Variants in MTAP observed in about 807,000 individuals in gnomAD.
The protein encoded by MTAP is S-methyl-5'-thioadenosine phosphorylase.
In MTAP, 33 loss-of-function variants were observed where a neutral mutation model predicts 33.6. The observed-to-expected ratio is 0.98, with a 90% confidence interval of 0.74 to 1.31. MTAP has a LOEUF of 1.31. Among genes scored for constraint, MTAP ranks in the 40% most tolerant of loss-of-function variants. The pLI, the probability that MTAP is intolerant of heterozygous loss-of-function variation, is 0.00. For synonymous variants in MTAP, 148 were observed against 125.7 expected (o/e 1.18, Z -1.19); for missense variants, 367 against 360.0 (o/e 1.02, Z -0.16).
At chr9:21,927,076 C>G (rs1383699678) in intron 1 of MTAP, among the ~76,000 whole-genome samples, 5 of 152,188 alleles carry the variant, frequency 3.3e-5, no homozygotes, top group Non-Finnish European at 1.5e-5. Flanking sequence ...CAGAAGCAAG[C>G]CTTTAGAGAA....
intron 1 of MTAP, among the ~76,000 whole-genome samples, chr9:21,874,244 A>G (rs1825974309): frequency 6.6e-6 from 1 of 152,166 alleles, no homozygotes; most frequent in Non-Finnish European, 1.5e-5. Context: ...CTATAATCCC[A>G]CTGACTGTTC....
intron 1 of MTAP, among the ~76,000 whole-genome samples, chr9:21,878,480 A>G (rs1826042514): frequency 6.6e-6 from 1 of 151,666 alleles, no homozygotes; most frequent in South Asian, 2.1e-4. Flanking sequence ...AACTTTTAAA[A>G]TTTTTATTCT....
chr9:21,851,116 A>G (rs912047438), intron 5 of MTAP, among the ~76,000 whole-genome samples: 2 of 152,328 alleles, frequency 1.3e-5, no homozygotes, highest in African/African-American at 2.4e-5. Flanking sequence ...TCATTGGGAA[A>G]CTACAACAGC....
chr9:21,832,479 A>G (rs1014288707), intron 4 of MTAP, among the ~76,000 whole-genome samples: 1 of 152,180 alleles, frequency 6.6e-6, no homozygotes, highest in African/African-American at 2.4e-5. Flanking sequence ...CTTCTTACTC[A>G]TTTCCCTCAC....
intron 5 of MTAP, among the ~76,000 whole-genome samples, chr9:21,844,113 A>C (rs755437989): frequency 6.6e-6 from 1 of 152,218 alleles, no homozygotes; most frequent in Non-Finnish European, 1.5e-5. Flanking sequence ...TTATGCACAC[A>C]AACTAGAAAA....
chr9:21,887,875 T>G (rs12236836), intron 1 of MTAP, among the ~76,000 whole-genome samples: 37,953 of 151,812 alleles, frequency 0.25, 4,987 homozygotes, highest in East Asian at 0.41. Flanking sequence ...AAGTTTTGTG[T>G]GGGGGGGTTG....
At chr9:21,939,813 G>A (rs1310845115), downstream of MTAP, among the ~76,000 whole-genome samples, 1 of 152,086 alleles carries the variant, frequency 6.6e-6, no homozygotes, top group Non-Finnish European at 1.5e-5. Flanking sequence ...AACCTGGGAG[G>A]TGGAGGCTGA....
chr9:21,829,591 T>C (rs1176512728), intron 4 of MTAP, among the ~76,000 whole-genome samples: 2 of 151,926 alleles, frequency 1.3e-5, no homozygotes, highest in Non-Finnish European at 2.9e-5. Flanking sequence ...ACCACACACA[T>C]TGGCCTATTG....
rs1364010352 is a variant in MTAP, at chr9:21,802,754, C to T, written c.6C>T (p.Ala2=). 6.2e-7 allele frequency: 1 copy of T among 1,613,012 alleles called. No homozygotes were observed. The highest frequency in any genetic ancestry group is 8.5e-7 in the Non-Finnish European group (1 of 1,179,884). ...GATTCCTTTCCCGTGCAGACATGGC[C>T]TCTGGCACCACCACCACCGCCGTGA... The part of the protein sequence containing the change: M[A]SGTTTTAVKI... Residue 2 remains alanine (A), a synonymous_variant, in exon 1 of 8, where the codon GCC becomes GCT. Coordinates refer to ENST00000644715, the MANE Select transcript of MTAP (RefSeq NM_002451.4).
downstream of MTAP, chr9:21,937,687 T>G (rs1418068846): frequency 1.3e-5 from 2 of 152,232 alleles, no homozygotes; most frequent in South Asian, 2.1e-4. Flanking sequence ...GTCTTCACAG[T>G]GACTTTTGAT....
chr9:21,825,312 A>G (rs1293826701), intron 4 of MTAP, among the ~76,000 whole-genome samples: 1 of 152,140 alleles, frequency 6.6e-6, no homozygotes, highest in Non-Finnish European at 1.5e-5. Flanking sequence ...TATCTTGGCT[A>G]TTGTGAATAA....
intron 1 of MTAP, among the ~76,000 whole-genome samples, chr9:21,873,371 T>C (rs1429745978): frequency 6.6e-6 from 1 of 152,130 alleles, no homozygotes. Context: ...CTAAAATCCA[T>C]ATATTGAAAT....
At chr9:21,882,418 A>C (rs1450776309) in intron 1 of MTAP, among the ~76,000 whole-genome samples, 1 of 151,986 alleles carries the variant, frequency 6.6e-6, no homozygotes, top group African/African-American at 2.4e-5. Context: ...AAATAGAAAA[A>C]CATCCTGTGT....
chr9:21,843,024 C>T (rs1003633826), intron 5 of MTAP, among the ~76,000 whole-genome samples: 1 of 152,098 alleles, frequency 6.6e-6, no homozygotes, highest in Non-Finnish European at 1.5e-5. Flanking sequence ...AGGAGAATCA[C>T]CTAGCACACA....
At chr9:21,908,044 T>A (rs993273879) in intron 1 of MTAP, among the ~76,000 whole-genome samples, 2 of 152,138 alleles carry the variant, frequency 1.3e-5, no homozygotes, top group Non-Finnish European at 2.9e-5. Context: ...AACATTGATA[T>A]AGTCAAGATA....
At chr9:21,838,033 G>A (rs1731638231) in intron 5 of MTAP, 23 bp downstream of exon 5, 1 of 1,589,984 alleles carries the variant, frequency 6.3e-7, no homozygotes, top group Non-Finnish European at 8.6e-7. Context: ...TCTGGAAGGT[G>A]TACCAGAATA....
At chr9:21,848,898 C>T (rs1194362328) in intron 5 of MTAP, among the ~76,000 whole-genome samples, 1 of 152,094 alleles carries the variant, frequency 6.6e-6, no homozygotes. Flanking sequence ...GCAAGGTGGG[C>T]ATAGCTACCA....
downstream of MTAP, among the ~76,000 whole-genome samples, chr9:21,939,412 G>A (rs1191961075): frequency 6.6e-6 from 1 of 151,894 alleles, no homozygotes; most frequent in Non-Finnish European, 1.5e-5. Context: ...CTTTCCTTAA[G>A]CTATCTATAG....
At chr9:21,910,847 G>A (rs562004795) in intron 1 of MTAP, among the ~76,000 whole-genome samples, 6 of 152,094 alleles carry the variant, frequency 3.9e-5, no homozygotes, top group African/African-American at 9.6e-5. Context: ...CTTCAAGTCC[G>A]CATCCCCCAG....
Sources: allele counts gnomAD v4.1 joint callset (sites outside exome capture counted in the v4.1 genomes callset), GRCh38; gene constraint gnomAD v4.1.1; transcripts MANE v1.5; gene names NCBI Gene and HGNC (gene_info 2026-07-23, HGNC 2026-07-21).